The following CLSTN2 variants were observed in gnomAD, a reference collection of about 807,000 sequenced individuals.
CLSTN2 encodes calsyntenin-2.
In CLSTN2, 48 loss-of-function variants were observed where a neutral mutation model predicts 101.2. The observed-to-expected ratio is 0.47, with a 90% CI of 0.38 to 0.60. The LOEUF (loss-of-function observed/expected upper bound fraction) is 0.60, where lower values mean the gene tolerates loss of function less well. Among genes scored for constraint, CLSTN2 ranks in the 20% least tolerant of loss-of-function variants. The probability of loss-of-function intolerance (pLI) is 0.00; values close to 1 mark genes in which losing one functional copy is unlikely to be tolerated. For missense variants in CLSTN2, 1,160 were observed against 1,238.2 expected (o/e 0.94, Z 0.95); for synonymous variants, 481 against 463.6 (o/e 1.04, Z -0.48).
intron 9 of CLSTN2, among the ~76,000 whole-genome samples, chr3:140,536,739 T>G (rs986622126): frequency 6.6e-6 from 1 of 152,182 alleles, no homozygotes; most frequent in Non-Finnish European, 1.5e-5. Context: ...CTTTATAGAA[T>G]GTCTAACAGT....
intron 1 of CLSTN2, among the ~76,000 whole-genome samples, chr3:140,012,109 C>T (rs1396808016): frequency 5.3e-5 from 8 of 152,058 alleles, no homozygotes; most frequent in Admixed American, 5.2e-4. Context: ...GGAGGGTGCT[C>T]TCTATGGTCC....
intron 8 of CLSTN2, among the ~76,000 whole-genome samples, chr3:140,513,181 G>T (rs971052890): frequency 6.6e-5 from 10 of 152,288 alleles, no homozygotes; most frequent in African/African-American, 2.4e-4. Context: ...TCCTTGTCTT[G>T]TGCCAGTTTT....
chr3:140,299,092 G>A, intron 2 of CLSTN2, among the ~76,000 whole-genome samples: 1 of 152,176 alleles, frequency 6.6e-6, no homozygotes, highest in Non-Finnish European at 1.5e-5. Flanking sequence ...AAGTGCTACT[G>A]GCTCCTAACA....
At chr3:140,165,325 G>A (rs2010118136) in intron 1 of CLSTN2, among the ~76,000 whole-genome samples, 1 of 152,192 alleles carries the variant, frequency 6.6e-6, no homozygotes, top group South Asian at 2.1e-4. Flanking sequence ...AGGTATTGGA[G>A]ATGCTGGCAA....
intron 5 of CLSTN2, among the ~76,000 whole-genome samples, chr3:140,437,515 C>A (rs1169716907): frequency 1.3e-5 from 2 of 152,214 alleles, no homozygotes; most frequent in Non-Finnish European, 2.9e-5. Context: ...AGGCTCTCAG[C>A]CTCCTTGGGT....
intron 2 of CLSTN2, among the ~76,000 whole-genome samples, chr3:140,361,299 T>C (rs1400328250): frequency 2.0e-5 from 3 of 152,160 alleles, no homozygotes; most frequent in Non-Finnish European, 2.9e-5. Flanking sequence ...GCGAAGAAAT[T>C]CAAGACCTAC....
At chr3:140,096,386 A>G (rs757687930) in intron 1 of CLSTN2, among the ~76,000 whole-genome samples, 2 of 152,224 alleles carry the variant, frequency 1.3e-5, no homozygotes, top group Non-Finnish European at 2.9e-5. Context: ...AATATGTTAC[A>G]TCTCTCAAGA....
At chr3:140,400,922 T>G (rs532420751) in intron 2 of CLSTN2, among the ~76,000 whole-genome samples, 1 of 152,342 alleles carries the variant, frequency 6.6e-6, no homozygotes, top group South Asian at 2.1e-4. Flanking sequence ...CTCCCTGCCT[T>G]GCCTGACCAG....
At chr3:140,247,987 A>G (rs1194539042) in intron 2 of CLSTN2, among the ~76,000 whole-genome samples, 1 of 152,160 alleles carries the variant, frequency 6.6e-6, no homozygotes, top group Non-Finnish European at 1.5e-5. Flanking sequence ...CCCAGGGTTG[A>G]GGTCACCTCT....
intron 1 of CLSTN2, among the ~76,000 whole-genome samples, chr3:140,071,183 G>A (rs551825101): frequency 1.3e-5 from 2 of 152,084 alleles, no homozygotes; most frequent in South Asian, 2.1e-4. Flanking sequence ...CAAATGAGCA[G>A]GAAAAGATGG....
chr3:139,977,031 C>T (rs544049298), intron 1 of CLSTN2, among the ~76,000 whole-genome samples: 1 of 152,288 alleles, frequency 6.6e-6, no homozygotes, highest in African/African-American at 2.4e-5. Context: ...CAAGCAGACA[C>T]TCCATTTGCA....
chr3:140,554,516 G>T (rs1403657747), intron 10 of CLSTN2, among the ~76,000 whole-genome samples: 2 of 152,214 alleles, frequency 1.3e-5, no homozygotes, highest in Non-Finnish European at 2.9e-5. Flanking sequence ...ATGGCATACT[G>T]TATTGTTGAG....
chr3:140,399,220 A>G (rs1438258687), intron 2 of CLSTN2, among the ~76,000 whole-genome samples: 2 of 152,240 alleles, frequency 1.3e-5, no homozygotes, highest in African/African-American at 2.4e-5. Context: ...TATGAAAACC[A>G]TTAGGTCTGA....
Position 140,567,278 on chromosome 3 carries a change from T to A in CLSTN2, c.*1025T>A. The A allele has an allele frequency of 6.6e-6, 1 of 152,376 alleles. No individual in the cohort carries two copies. Among genetic ancestry groups the A allele is most frequent in the East Asian group, 1.9e-4 (1 of 5,176 alleles). 9.4% of individuals were successfully genotyped at this position (152,376 alleles called of 1,614,324 possible). On this transcript the variant is annotated 3_prime_UTR_variant, in exon 17 of 17. Transcript: ENST00000458420. ...GCAAGGCTCTCACCACTCAGCCTTA[T>A]GGTCCCTTATCTCCTATCTTCCCTC...
intron 8 of CLSTN2, among the ~76,000 whole-genome samples, chr3:140,509,863 A>G (rs749820463): frequency 5.9e-5 from 9 of 152,262 alleles, no homozygotes; most frequent in Non-Finnish European, 1.2e-4. Flanking sequence ...TGAATTAGAT[A>G]AGAGACTAAT....
chr3:140,268,904 A>G (rs995053804), intron 2 of CLSTN2, among the ~76,000 whole-genome samples: 6 of 152,342 alleles, frequency 3.9e-5, no homozygotes, highest in African/African-American at 1.4e-4. Flanking sequence ...GTGATCGGCA[A>G]TCAAATGAGA....
chr3:140,436,925 G>A (rs2108001368), intron 5 of CLSTN2, among the ~76,000 whole-genome samples: 1 of 152,230 alleles, frequency 6.6e-6, no homozygotes, highest in Non-Finnish European at 1.5e-5. Context: ...TTCCCTCTCT[G>A]TGTTCCCCAG....
At chr3:140,069,791 T>G (rs527475374) in intron 1 of CLSTN2, among the ~76,000 whole-genome samples, 2 of 152,154 alleles carry the variant, frequency 1.3e-5, no homozygotes, top group African/African-American at 4.8e-5. Context: ...GACTACAGGG[T>G]TGATAGAGGG....
chr3:140,214,897 A>T (rs967545167), intron 2 of CLSTN2, among the ~76,000 whole-genome samples: 1 of 152,256 alleles, frequency 6.6e-6, no homozygotes, highest in African/African-American at 2.4e-5. Flanking sequence ...TTTATACAAC[A>T]TAATAAATTT....
Sources: gnomAD v4.1 joint callset for allele counts (sites outside exome capture counted in the v4.1 genomes callset) on GRCh38, gnomAD v4.1.1 for gene constraint, MANE v1.5 for transcripts, NCBI Gene and HGNC (gene_info 2026-07-23, HGNC 2026-07-21) for gene names.